The following CTDP1 variants were observed in gnomAD, a reference collection of about 807,000 sequenced individuals.
CTDP1 encodes CTD phosphatase 1.
In CTDP1, 47 loss-of-function variants were observed where a neutral mutation model predicts 91.8. The ratio of observed to expected loss-of-function variants is 0.51; its 90% CI spans 0.41 to 0.65. CTDP1 has a LOEUF of 0.65. Among genes scored for constraint, CTDP1 ranks in the 30% least tolerant of loss-of-function variants. CTDP1 has a pLI of 0.00. For synonymous variants in CTDP1, 656 were observed against 598.5 expected (o/e 1.10, Z -1.40); for missense variants, 1,272 against 1,373.7 (o/e 0.93, Z 1.17).
At chr18:79,734,546 G>A (rs969376323) in intron 11 of CTDP1, among the ~76,000 whole-genome samples, 4 of 151,086 alleles carry the variant, frequency 2.6e-5, no homozygotes, top group East Asian at 1.9e-4. Context: ...CCTCACCAGC[G>A]TTGGCACGGA....
intron 12 of CTDP1, 121 bp from the exon 13 acceptor site, chr18:79,753,529 GAC>G: frequency 6.7e-7 from 1 of 1,491,952 alleles, no homozygotes; most frequent in Admixed American, 1.8e-5. Context: ...GTGTGTCCTT[GAC>G]CAGAGAATTG....
chr18:79,722,646 C>T (rs114818108), intron 10 of CTDP1, among the ~76,000 whole-genome samples: 2,159 of 152,298 alleles, frequency 0.014, 53 homozygotes, highest in African/African-American at 0.049. Flanking sequence ...AATGTCTCTC[C>T]CTTCACTTGT....
intron 12 of CTDP1, among the ~76,000 whole-genome samples, chr18:79,741,706 C>T (rs1262391084): frequency 6.6e-6 from 1 of 152,236 alleles, no homozygotes; most frequent in Non-Finnish European, 1.5e-5. Context: ...GCGTGGGAGA[C>T]ACAGGGCGGC....
intron 12 of CTDP1, among the ~76,000 whole-genome samples, chr18:79,741,483 GT>G (rs1426431854): frequency 6.6e-6 from 1 of 152,252 alleles, no homozygotes; most frequent in Admixed American, 6.5e-5. Context: ...AGATGAGCTG[GT>G]CGTTCCCATG....
intron 12 of CTDP1, among the ~76,000 whole-genome samples, chr18:79,747,003 C>T (rs1029926668): frequency 2.6e-5 from 4 of 152,156 alleles, no homozygotes; most frequent in African/African-American, 9.7e-5. Context: ...GTGACTTGAC[C>T]GTGTGCTGCC....
chr18:79,746,670 G>T (rs1453684356), intron 12 of CTDP1, among the ~76,000 whole-genome samples: 2 of 152,238 alleles, frequency 1.3e-5, no homozygotes, highest in African/African-American at 4.8e-5. Flanking sequence ...GGGCTGGAGT[G>T]CAGTGGCACG....
chr18:79,720,886 G>A (rs917464114), intron 10 of CTDP1, among the ~76,000 whole-genome samples: 5 of 152,140 alleles, frequency 3.3e-5, no homozygotes, highest in Non-Finnish European at 7.3e-5. Context: ...CAGTGTTGGG[G>A]GTCCCCACAC....
intron 2 of CTDP1, 87 bp from the exon 3 acceptor site, chr18:79,695,890 C>A: frequency 3.8e-6 from 4 of 1,058,000 alleles, no homozygotes; most frequent in Non-Finnish European, 5.8e-6. Flanking sequence ...GTTAAAACAT[C>A]AGCTAGAATC....
chr18:79,710,140 G>A (rs1313448249), intron 5 of CTDP1, among the ~76,000 whole-genome samples: 1 of 152,086 alleles, frequency 6.6e-6, no homozygotes, highest in Non-Finnish European at 1.5e-5. Context: ...TTATCAACAT[G>A]GTTTGTGTTT....
chr18:79,679,808 G>A lies in CTDP1; in HGVS notation c.-140G>A, dbSNP rs2085315074. 2.4e-6 allele frequency: 2 copies of A among 818,716 alleles called. No homozygotes were observed. The highest frequency in any genetic ancestry group is 3.6e-6 in the Non-Finnish European group (2 of 560,014). 50.7% of individuals were successfully genotyped at this position (818,716 alleles called of 1,614,324 possible). ...GACGTCACGCGCCCTCCAGGAAGTC[G>A]GCGCGGGCTAGGCGACGGGTGGAAG... On this transcript the variant is annotated 5_prime_UTR_variant, in exon 1 of 13. Coordinates refer to ENST00000613122, the MANE Select transcript of CTDP1 (RefSeq NM_004715.5).
chr18:79,729,801 A>G (rs1194337007), intron 11 of CTDP1, among the ~76,000 whole-genome samples: 1 of 152,194 alleles, frequency 6.6e-6, no homozygotes. Flanking sequence ...ACCACATCCC[A>G]TGTCCTCCTG....
At chr18:79,686,002 A>G (rs147415335) in intron 1 of CTDP1, among the ~76,000 whole-genome samples, 118 of 152,336 alleles carry the variant, frequency 7.7e-4, no homozygotes, top group African/African-American at 2.7e-3. Context: ...AGCCCATTAA[A>G]CGTGGGTAAG....
intron 4 of CTDP1, chr18:79,702,705 G>A (rs558273933): frequency 6.6e-6 from 1 of 152,346 alleles, no homozygotes; most frequent in African/African-American, 2.4e-5. Flanking sequence ...TTTAAATTAA[G>A]TTAGGTACAT....
At chr18:79,734,589 T>C (rs1327810776) in intron 11 of CTDP1, among the ~76,000 whole-genome samples, 2 of 151,058 alleles carry the variant, frequency 1.3e-5, no homozygotes, top group African/African-American at 5.0e-5. Context: ...GGCGCCACAC[T>C]AGCGAGGGTC....
At chr18:79,753,314 G>A (rs574139470) in intron 12 of CTDP1, among the ~76,000 whole-genome samples, 1 of 152,258 alleles carries the variant, frequency 6.6e-6, no homozygotes, top group African/African-American at 2.4e-5. Context: ...TCTGACAGAT[G>A]ATCTTAACTT....
rs145911904 is a variant in CTDP1 at position 79,737,367 on chromosome 18, T to G, written c.2747+846T>G. 2.2e-4 allele frequency among the ~76,000 whole-genome samples: 34 copies of G among 152,344 alleles called. No individual in the cohort carries two copies. The East Asian group carries it at 5.8e-3, about 26-fold the overall frequency. On this transcript the variant is annotated intron_variant, in intron 12 of 12. Transcript: ENST00000613122. The stretch of plus-strand genomic sequence containing the variant: ...CCTGTGTCTTTTCCTTGGATGCGTT[T>G]ACGTTTGACCTTTTCTACATATGAA...
chr18:79,723,052 T>C (rs1445741339), intron 10 of CTDP1, among the ~76,000 whole-genome samples: 1 of 152,234 alleles, frequency 6.6e-6, no homozygotes, highest in Non-Finnish European at 1.5e-5. Context: ...CCACTCCACG[T>C]GTGGACCCCT....
intron 4 of CTDP1, among the ~76,000 whole-genome samples, chr18:79,704,452 G>A (rs181305504): frequency 2.0e-5 from 3 of 151,082 alleles, no homozygotes; most frequent in Admixed American, 6.6e-5. Flanking sequence ...GCGTGTACAC[G>A]CACACGTGTC....
chr18:79,715,737 T>C (rs1250468056), intron 8 of CTDP1, among the ~76,000 whole-genome samples: 1 of 152,238 alleles, frequency 6.6e-6, no homozygotes, highest in Non-Finnish European at 1.5e-5. Flanking sequence ...GCACACACCA[T>C]TCAGGGGTGG....
Sources: gnomAD v4.1 joint callset for allele counts (sites outside exome capture counted in the v4.1 genomes callset) on GRCh38, gnomAD v4.1.1 for gene constraint, MANE v1.5 for transcripts, NCBI Gene and HGNC (gene_info 2026-07-23, HGNC 2026-07-21) for gene names.